Variants in CTPS2 observed in about 807,000 individuals in gnomAD.
CTPS2 encodes the protein CTP synthase II.
CTPS2 carries 19 observed loss-of-function variants against 46.8 expected under a neutral mutation model. The observed-to-expected ratio is 0.41, with a 90% confidence interval of 0.28 to 0.60. The LOEUF is 0.60. Ranked by LOEUF, CTPS2 falls within the 20% of genes least tolerant of loss-of-function variation. The pLI is 0.35. For synonymous variants in CTPS2, 151 were observed against 165.2 expected (o/e 0.91, Z 0.66); for missense variants, 286 against 447.6 (o/e 0.64, Z 3.26).
At chrX:16,611,824 AGCCTGATAAGGGGAAT>A (rs1418729159) in intron 16 of CTPS2, among the ~76,000 whole-genome samples, 1 of 112,409 alleles carries the variant, frequency 8.9e-6, no homozygotes, top group Non-Finnish European at 1.9e-5. Flanking sequence ...CAGGTAAGAA[AGCCTGATAAGGGGAAT>A]GCCACCTTCT....
At chrX:16,599,366 G>A (rs748433268) in intron 17 of CTPS2, among the ~76,000 whole-genome samples, 47 of 111,430 alleles carry the variant, frequency 4.2e-4, no homozygotes, top group African/African-American at 1.5e-3. Context: ...ACCATTTCTT[G>A]CAAGACAAAA....
chrX:16,708,713 C>T lies in CTPS2; in HGVS notation c.-40+3622G>A, dbSNP rs147891237. Among the ~76,000 whole-genome samples the T allele has an allele frequency of 1.8e-4, 20 of 111,431 alleles. No individual in the cohort carries two copies. The East Asian group carries it at 5.6e-3, about 31-fold the overall frequency. On this transcript the variant is annotated intron_variant, in intron 1 of 18. Transcript: ENST00000359276. ...GCAAATAAACTGTGCTTTAATTATA[C>T]CTTATTCTGGCACTGTTATACTGTT...
At chrX:16,697,606 G>A (rs751101005) in intron 4 of CTPS2, among the ~76,000 whole-genome samples, 23 of 109,036 alleles carry the variant, frequency 2.1e-4, no homozygotes, top group African/African-American at 7.3e-4. Flanking sequence ...AACATGCCTA[G>A]CTAATCTTTG....
At chrX:16,607,495 G>A (rs901691562) in intron 17 of CTPS2, among the ~76,000 whole-genome samples, 4 of 112,933 alleles carry the variant, frequency 3.5e-5, no homozygotes, top group African/African-American at 1.3e-4. Context: ...CTCCAGCTCC[G>A]AGAGCACAGT....
In CTPS2 at chrX:16,683,302, CT is replaced by C. The variant is rs1271612053; in HGVS notation, c.873-77del. ...AAACAGAACAATGGCAGCTGCTGCTCTTACTCCAAGGCACTTTTTAAATCCT... is the reference window on the plus strand; with the variant it reads ...AAACAGAACAATGGCAGCTGCTGCTCTACTCCAAGGCACTTTTTAAATCCT... On this transcript the variant is annotated intron_variant, in intron 8 of 18. Coordinates refer to ENST00000359276, the MANE Select transcript of CTPS2 (RefSeq NM_175859.3). 4.6e-6 allele frequency: 5 copies of C among 1,077,203 alleles called. No individual in the cohort carries two copies. The East Asian group carries it at 1.5e-4, about 33-fold the overall frequency. The allele number at this position is 1,077,203 out of a possible 1,213,427, so 88.8% of individuals were successfully genotyped here. A position where few individuals can be genotyped will look rare whatever the true frequency, so the allele number is the denominator to read the frequency against.
chrX:16,712,150 G>C (rs1439948236), intron 1 of CTPS2, 185 bp downstream of exon 1: 1 of 112,045 alleles, frequency 8.9e-6, no homozygotes, highest in Non-Finnish European at 1.9e-5. Flanking sequence ...CTGCGAGCGC[G>C]GGGCTGGCGG....
chrX:16,619,130 T>C (rs904634499), intron 15 of CTPS2, among the ~76,000 whole-genome samples: 1 of 112,482 alleles, frequency 8.9e-6, no homozygotes, highest in Non-Finnish European at 1.9e-5. Context: ...TACCAAATTA[T>C]GTTCCTTGGT....
At chrX:16,637,206 G>A (rs930911041) in intron 14 of CTPS2, among the ~76,000 whole-genome samples, 1 of 110,022 alleles carries the variant, frequency 9.1e-6, no homozygotes, top group African/African-American at 3.3e-5. Flanking sequence ...AAGCAGCTGG[G>A]ACTACAGGCA....
At chrX:16,612,872 T>C (rs149659208) in intron 16 of CTPS2, among the ~76,000 whole-genome samples, 2,049 of 112,144 alleles carry the variant, frequency 0.018, 24 homozygotes, top group Middle Eastern at 0.033. Flanking sequence ...AAAGTGGGAA[T>C]AGCATCATCT....
At chrX:16,594,758 C>A (rs1929136349) in intron 17 of CTPS2, among the ~76,000 whole-genome samples, 1 of 112,372 alleles carries the variant, frequency 8.9e-6, no homozygotes, top group African/African-American at 3.2e-5. Flanking sequence ...TGAATTTATT[C>A]ATCTCCAAGC....
chrX:16,653,251 A>G (rs923482962), intron 13 of CTPS2, among the ~76,000 whole-genome samples: 9 of 111,114 alleles, frequency 8.1e-5, no homozygotes, highest in African/African-American at 2.6e-4. Flanking sequence ...GTTTTATGGT[A>G]GAGACAAAAA....
At chrX:16,639,829 G>GAAAGAAAGA (rs1555961937) in intron 13 of CTPS2, among the ~76,000 whole-genome samples, 3 of 102,879 alleles carry the variant, frequency 2.9e-5, no homozygotes, top group Non-Finnish European at 6.0e-5. Context: ...AAGAAAGAAA[G>GAAAGAAAGA]AAGAAAAGAA....
At chrX:16,705,591 G>A (rs977007227) in intron 1 of CTPS2, among the ~76,000 whole-genome samples, 2 of 112,227 alleles carry the variant, frequency 1.8e-5, no homozygotes, top group African/African-American at 3.2e-5. Flanking sequence ...AGCTCCTCCT[G>A]TAACCTGTTG....
At chrX:16,676,666 T>G (rs762630435) in intron 10 of CTPS2, among the ~76,000 whole-genome samples, 1 of 111,869 alleles carries the variant, frequency 8.9e-6, no homozygotes. Flanking sequence ...TTATTATGAA[T>G]TCTAGTCTTA....
chrX:16,629,096 G>A (rs1419666055), intron 14 of CTPS2, among the ~76,000 whole-genome samples: 1 of 112,193 alleles, frequency 8.9e-6, no homozygotes, highest in Non-Finnish European at 1.9e-5. Context: ...TGAGAGCTGA[G>A]GCCCAACGGG....
chrX:16,605,815 C>A (rs757228877), intron 17 of CTPS2, among the ~76,000 whole-genome samples: 24 of 112,812 alleles, frequency 2.1e-4, no homozygotes, highest in African/African-American at 7.7e-4. Context: ...CTTGGGGGGA[C>A]CCCCTAAACA....
At chrX:16,624,241 C>T (rs1931008727) in intron 14 of CTPS2, among the ~76,000 whole-genome samples, 1 of 111,763 alleles carries the variant, frequency 8.9e-6, no homozygotes, top group African/African-American at 3.3e-5. Flanking sequence ...CAAAATCTTT[C>T]TTCATTGCTT....
At chrX:16,684,715 A>G (rs1350699721) in intron 8 of CTPS2, among the ~76,000 whole-genome samples, 2 of 111,287 alleles carry the variant, frequency 1.8e-5, no homozygotes, top group Non-Finnish European at 3.8e-5. Context: ...TCAAGCTGCT[A>G]ACCCTTGAAC....
Position 16,620,317 on chromosome X carries a change from T to C in CTPS2, c.1409A>G (p.Asp470Gly). 8.3e-7 allele frequency: 1 copy of C among 1,200,541 alleles called. No individual in the cohort carries two copies. Among genetic ancestry groups the C allele is most frequent in the Non-Finnish European group, 1.1e-6 (1 of 886,364 alleles). ...ENSILRKLYG[D>G]VPFIEERHRH... The stretch of plus-strand genomic sequence containing the variant: ...GTGTCTTTCTTCTATAAAAGGAACA[T>C]CACCATAAAGTTTCCCTGTAAAGAT... Residue 470 changes from aspartate (D) to glycine (G), a missense_variant, in exon 15 of 19, where the codon GAT becomes GGT. Transcript: ENST00000359276.
Sources: gnomAD v4.1 joint callset for allele counts (sites outside exome capture counted in the v4.1 genomes callset) on GRCh38, gnomAD v4.1.1 for gene constraint, MANE v1.5 for transcripts, NCBI Gene and HGNC (gene_info 2026-07-23, HGNC 2026-07-21) for gene names.